ALDH1A2: variants seen among roughly 807,000 people sequenced by gnomAD.
ALDH1A2 encodes the protein aldehyde dehydrogenase 1 family member A2, also known as retinal dehydrogenase 2.
In ALDH1A2, 27 loss-of-function variants were observed where a neutral mutation model predicts 60.3. The observed-to-expected ratio is 0.45, with a 90% CI of 0.33 to 0.62. ALDH1A2 has a LOEUF of 0.62. ALDH1A2 is among the 20% of genes least tolerant of loss of function. ALDH1A2 has a pLI of 0.02. For synonymous variants in ALDH1A2, 289 were observed against 232.4 expected (o/e 1.24, Z -2.21); for missense variants, 581 against 643.8 (o/e 0.90, Z 1.06).
Position 58,061,607 on chromosome 15 carries a change from AAAC to A in ALDH1A2, c.117+3924_117+3926del, listed in dbSNP as rs1263269757. 1.2e-3 allele frequency among the ~76,000 whole-genome samples: 170 copies of A among 137,876 alleles called. 14 individuals are homozygous for A. Among genetic ancestry groups the A allele is most frequent in the South Asian group, 2.0e-3 (9 of 4,458 alleles). The allele number at this position is 137,876 out of a possible 152,430, so 90.5% of individuals were successfully genotyped here. A position where few individuals can be genotyped will look rare whatever the true frequency, so the allele number is the denominator to read the frequency against. The stretch of plus-strand genomic sequence containing the variant: ...AAACTCCTTCCCTCAAAAAAAAAAA[AAAC>A]AAAAAAAAAAAAAAAACGGAACAAA... On this transcript the variant is annotated intron_variant, in intron 1 of 12. Coordinates refer to ENST00000249750, the MANE Select transcript of ALDH1A2 (RefSeq NM_003888.4).
intron 1 of ALDH1A2, among the ~76,000 whole-genome samples, chr15:58,063,281 G>T (rs1897088972): frequency 6.6e-6 from 1 of 152,106 alleles, no homozygotes; most frequent in South Asian, 2.1e-4. Context: ...TGCAAATATT[G>T]TGTTTCTTTC....
At chr15:57,974,473 A>G (rs1894176513) in intron 7 of ALDH1A2, among the ~76,000 whole-genome samples, 1 of 151,694 alleles carries the variant, frequency 6.6e-6, no homozygotes, top group Non-Finnish European at 1.5e-5. Context: ...AGACCCATAT[A>G]AATATGGAAA....
intron 4 of ALDH1A2, among the ~76,000 whole-genome samples, chr15:57,995,696 G>A (rs1316888876): frequency 6.6e-6 from 1 of 152,064 alleles, no homozygotes; most frequent in African/African-American, 2.4e-5. Context: ...GCTATTTAAA[G>A]AAGGTAAAAG....
chr15:57,967,190 A>G (rs1188834590), intron 7 of ALDH1A2, among the ~76,000 whole-genome samples: 2 of 133,632 alleles, frequency 1.5e-5, no homozygotes, highest in Non-Finnish European at 3.3e-5. Flanking sequence ...TTTTTTTTTA[A>G]CCAGTTCTGT....
chr15:57,985,396 A>G (rs1180055103), intron 7 of ALDH1A2, among the ~76,000 whole-genome samples: 1 of 152,182 alleles, frequency 6.6e-6, no homozygotes, highest in Non-Finnish European at 1.5e-5. Flanking sequence ...TGCTGATGTC[A>G]TATTACAAAC....
intron 7 of ALDH1A2, among the ~76,000 whole-genome samples, chr15:57,974,148 A>G (rs996128391): frequency 2.6e-5 from 4 of 152,234 alleles, no homozygotes; most frequent in Non-Finnish European, 4.4e-5. Context: ...GTACAGAAAT[A>G]GACCCATATA....
intron 1 of ALDH1A2, among the ~76,000 whole-genome samples, chr15:58,025,837 G>C (rs1309520437): frequency 6.6e-6 from 1 of 152,314 alleles, no homozygotes; most frequent in South Asian, 2.1e-4. Context: ...GAGAGAGCAA[G>C]AGAGAAAAGA....
Position 58,065,571 on chromosome 15 carries a change from G to A in ALDH1A2, c.80C>T (p.Pro27Leu), listed in dbSNP as rs758609064. ...AALMASLHLL[P>L]SPTPNLEIKY... Reference sequence around the variant, plus strand: ...AATTTCGAGATTGGGCGTGGGCGACGGCAGGAGGTGCAGCGACGCCATGAG... The same window carrying A: ...AATTTCGAGATTGGGCGTGGGCGACAGCAGGAGGTGCAGCGACGCCATGAG... The change falls in exon 1 of 13, where the codon CCG (proline) becomes CTG (leucine). Residue 27 changes from proline (P) to leucine (L), a missense_variant. Around this residue, in one of 2 missense-constraint regions of ALDH1A2, gnomAD observed 206 missense variants for 174.1 expected, o/e 1.18. Coordinates refer to ENST00000249750, the MANE Select transcript of ALDH1A2 (RefSeq NM_003888.4). 3 of 1,613,542 alleles carry A rather than the reference G, an allele frequency of 1.9e-6. No homozygotes were observed. The highest frequency in any genetic ancestry group is 8.5e-7 in the Non-Finnish European group (1 of 1,179,744).
intron 3 of ALDH1A2, 120 bp from the exon 4 acceptor site, chr15:58,010,898 G>A (rs1895614702): frequency 7.0e-6 from 9 of 1,279,462 alleles, no homozygotes; most frequent in Non-Finnish European, 8.8e-6. Flanking sequence ...TTGCATACCT[G>A]GTCAACTATG....
At chr15:57,957,904 CAGGACTGAGAGGGTGGGTGGGA>C (rs753976223) in intron 12 of ALDH1A2, among the ~76,000 whole-genome samples, 50 of 150,810 alleles carry the variant, frequency 3.3e-4, no homozygotes, top group Non-Finnish European at 5.9e-4. Context: ...TGCAGGTGGT[CAGGACTGAGAGGGTGGGTGGGA>C]GCGGGTCACC....
intron 7 of ALDH1A2, chr15:57,980,552 G>C (rs555986366): frequency 1.1e-5 from 3 of 275,372 alleles, no homozygotes; most frequent in East Asian, 2.0e-4. Flanking sequence ...GTGAAGCTCT[G>C]CCTCCTTCTG....
intron 1 of ALDH1A2, among the ~76,000 whole-genome samples, chr15:58,020,607 G>A (rs954090548): frequency 1.3e-5 from 2 of 152,128 alleles, no homozygotes; most frequent in Non-Finnish European, 2.9e-5. Context: ...GAAGCTACCT[G>A]TGTGTTTCTT....
intron 1 of ALDH1A2, among the ~76,000 whole-genome samples, chr15:58,061,610 C>CAAAAAAAAAAAAAAAA (rs1216992550): frequency 2.0e-5 from 2 of 100,328 alleles, no homozygotes; most frequent in Non-Finnish European, 4.2e-5. Context: ...AAAAAAAAAA[C>CAAAAAAAAAAAAAAAA]AAAAAAAAAA....
chr15:58,061,600 AAAAAAAAAAC>A (rs1202784729), intron 1 of ALDH1A2, among the ~76,000 whole-genome samples: 34 of 145,724 alleles, frequency 2.3e-4, no homozygotes, highest in East Asian at 2.0e-4. Context: ...TCCCTCAAAA[AAAAAAAAAAC>A]AAAAAAAAAA....
At chr15:57,958,654 G>A (rs1566927517) in intron 12 of ALDH1A2, among the ~76,000 whole-genome samples, 1 of 152,226 alleles carries the variant, frequency 6.6e-6, no homozygotes, top group Non-Finnish European at 1.5e-5. Context: ...CAGGCCATGA[G>A]ATAAATAATT....
chr15:57,968,169 A>C (rs1476258225), intron 7 of ALDH1A2, among the ~76,000 whole-genome samples: 1 of 152,224 alleles, frequency 6.6e-6, no homozygotes, highest in Non-Finnish European at 1.5e-5. Flanking sequence ...GAAGATAAAC[A>C]GGTAACTGCT....
chr15:58,046,046 T>A (rs890401656), intron 1 of ALDH1A2, among the ~76,000 whole-genome samples: 1 of 151,922 alleles, frequency 6.6e-6, no homozygotes, highest in Non-Finnish European at 1.5e-5. Context: ...ATCTCAGCAA[T>A]TTCACCTTCC....
At chr15:58,002,567 T>C (rs1326495336) in intron 4 of ALDH1A2, among the ~76,000 whole-genome samples, 1 of 151,836 alleles carries the variant, frequency 6.6e-6, no homozygotes, top group Non-Finnish European at 1.5e-5. Context: ...CTGTAAACAG[T>C]GATAAAATCA....
intron 1 of ALDH1A2, among the ~76,000 whole-genome samples, chr15:58,039,520 G>A (rs1437041110): frequency 2.0e-5 from 3 of 151,764 alleles, no homozygotes; most frequent in Non-Finnish European, 4.4e-5. Context: ...TGTTAATTAA[G>A]GCAGGCTGAG....
Sources: gnomAD v4.1 joint callset for allele counts (sites outside exome capture counted in the v4.1 genomes callset) on GRCh38, gnomAD v4.1.1 for gene constraint, gnomAD v4.1.1 regional missense constraint, MANE v1.5 for transcripts, NCBI Gene and HGNC (gene_info 2026-07-23, HGNC 2026-07-21) for gene names.